MPHOSPH9: variants seen among roughly 807,000 people sequenced by gnomAD.
MPHOSPH9 encodes M-phase phosphoprotein 9.
Under a neutral mutation model 145.5 loss-of-function variants are expected in MPHOSPH9, and 88 were observed. The observed-to-expected ratio is 0.60, with a 90% CI of 0.51 to 0.72. MPHOSPH9 has a LOEUF of 0.72. Ranked by LOEUF, MPHOSPH9 falls within the 30% of genes least tolerant of loss-of-function variation. MPHOSPH9 has a pLI of 0.00. For missense variants in MPHOSPH9, 1,238 were observed against 1,386.6 expected (o/e 0.89, Z 1.70); for synonymous variants, 435 against 486.2 (o/e 0.89, Z 1.39).
At chr12:123,208,001 G>A (rs1383195758) in intron 8 of MPHOSPH9, among the ~76,000 whole-genome samples, 1 of 151,756 alleles carries the variant, frequency 6.6e-6, no homozygotes, top group Non-Finnish European at 1.5e-5. Flanking sequence ...CACTCTGGGA[G>A]GCTGATGTGG....
Position 123,176,759 on chromosome 12 carries a change from C to G in MPHOSPH9, c.2385G>C (p.Lys795Asn), listed in dbSNP as rs1478442822. The G allele has an allele frequency of 6.2e-7, 1 of 1,613,644 alleles. No individual in the cohort carries two copies. Among genetic ancestry groups the G allele is most frequent in the African/African-American group, 1.3e-5 (1 of 74,918 alleles). The part of the protein sequence containing the change: ...RMISKLEAQV[K>N]QVEHENMLSL... ...TTAACATATTTTCATGTTCTACTTG[C>G]TTGACCTGAGCTTCAAGTTTTGAAA... The change falls in exon 16 of 24, where the codon AAG becomes AAC. Residue 795 changes from lysine (K) to asparagine (N), a missense_variant. Lys to Asn is a moderately conservative substitution (Grantham distance 94). This residue lies in a region of MPHOSPH9 where 8 missense variants were observed against 26.6 expected (regional missense o/e 0.30). Coordinates refer to ENST00000606320, the MANE Select transcript of MPHOSPH9 (RefSeq NM_022782.4).
At chr12:123,189,309 T>C (rs1020910398) in intron 13 of MPHOSPH9, among the ~76,000 whole-genome samples, 9 of 152,184 alleles carry the variant, frequency 5.9e-5, no homozygotes, top group Non-Finnish European at 1.3e-4. Flanking sequence ...GCAGACAGGC[T>C]GTCCCTGCTG....
At chr12:123,237,640 T>C (rs558188147), upstream of MPHOSPH9, among the ~76,000 whole-genome samples, 70 of 152,330 alleles carry the variant, frequency 4.6e-4, no homozygotes, top group Non-Finnish European at 1.2e-4. Context: ...CTATTATGCT[T>C]TCCTTGTTTG....
At chr12:123,235,153 T>C (rs2047824894), upstream of MPHOSPH9, among the ~76,000 whole-genome samples, 1 of 152,338 alleles carries the variant, frequency 6.6e-6, no homozygotes, top group East Asian at 1.9e-4. Context: ...TCCCATTTAG[T>C]GACCACTAAG....
upstream of MPHOSPH9, among the ~76,000 whole-genome samples, chr12:123,235,652 G>A (rs1036070941): frequency 3.3e-5 from 5 of 151,672 alleles, no homozygotes; most frequent in Admixed American, 6.6e-5. Flanking sequence ...GATTACAGGC[G>A]TGAGCCACCG....
At chr12:123,235,549 T>A (rs535559939), upstream of MPHOSPH9, among the ~76,000 whole-genome samples, 17 of 151,486 alleles carry the variant, frequency 1.1e-4, no homozygotes, top group South Asian at 2.1e-3. Context: ...TTTTTTTGTA[T>A]TTTTAGTAGA....
chr12:123,217,063 A>C (rs1402032771), intron 6 of MPHOSPH9, among the ~76,000 whole-genome samples: 1 of 152,104 alleles, frequency 6.6e-6, no homozygotes, highest in Non-Finnish European at 1.5e-5. Flanking sequence ...ACTCAAATTT[A>C]AATAATTTTT....
intron 16 of MPHOSPH9, among the ~76,000 whole-genome samples, chr12:123,170,893 T>C (rs533603821): frequency 6.6e-6 from 1 of 152,228 alleles, no homozygotes; most frequent in Admixed American, 6.5e-5. Flanking sequence ...TTCCTGTCTC[T>C]CCATATCTTT....
chr12:123,235,610 G>A (rs1273180048), upstream of MPHOSPH9, among the ~76,000 whole-genome samples: 1 of 150,490 alleles, frequency 6.6e-6, no homozygotes, highest in Non-Finnish European at 1.5e-5. Context: ...CTGACCTCAT[G>A]ATCCACCTGC....
chr12:123,154,089 G>A (rs993935313), downstream of MPHOSPH9: 1 of 152,164 alleles, frequency 6.6e-6, no homozygotes, highest in African/African-American at 2.4e-5. Context: ...CATACCTCAG[G>A]AGTAGCTCCT....
chr12:123,166,743 C>T lies in MPHOSPH9; in HGVS notation c.2503G>A (p.Gly835Ser), dbSNP rs2044338263. The change falls in exon 17 of 24, where the codon GGT (glycine) becomes AGT (serine). Residue 835 changes from glycine (G) to serine (S), a missense_variant. Coordinates refer to ENST00000606320, the MANE Select transcript of MPHOSPH9 (RefSeq NM_022782.4). ...CCAGTAAAGATGGAATACTCTGCACCTGGAATCAGCCATTTCCGCCTGCTG... is the reference window on the plus strand; with the variant it reads ...CCAGTAAAGATGGAATACTCTGCACTTGGAATCAGCCATTTCCGCCTGCTG... ...DVSRRKWLIP[G>S]AEYSIFTGQP... 1 of 1,613,986 alleles carries T rather than the reference C, an allele frequency of 6.2e-7. No individual in the cohort carries two copies. Among genetic ancestry groups the T allele is most frequent in the Non-Finnish European group, 8.5e-7 (1 of 1,179,990 alleles).
chr12:123,210,132 T>C lies in MPHOSPH9; in HGVS notation c.1118A>G (p.Asp373Gly). Residue 373 changes from aspartate to glycine, a missense_variant, in exon 8 of 24, where the codon GAT becomes GGT. Asp to Gly is a moderately conservative substitution (Grantham distance 94, BLOSUM62 -1). Around this residue, in one of 3 missense-constraint regions of MPHOSPH9, gnomAD observed 837 missense variants for 897.5 expected, o/e 0.93. Transcript: ENST00000606320. ...GLTYWKLEEK[D>G]MHHSLPETLE... ...AGTTTCAGGCAAAGAGTGGTGCATA[T>C]CCTTTTCCTCTAGTTTCCAGTAAGT... is the stretch of plus-strand genomic sequence containing the variant. 1.2e-6 allele frequency: 2 copies of C among 1,607,644 alleles called. No homozygotes were observed. The highest frequency in any genetic ancestry group is 1.7e-4 in the Middle Eastern group (1 of 6,040).
At position 123,175,021 on chromosome 12, in the gene MPHOSPH9, A is replaced by G. The variant is rs1359608562; in HGVS notation, c.2456+1667T>C. Among the ~76,000 whole-genome samples the G allele has an allele frequency of 2.4e-4, 37 of 152,168 alleles. 1 individual carries two copies. Among genetic ancestry groups the G allele is most frequent in the Admixed American group, 2.4e-3 (37 of 15,264 alleles). ...CTCTCTCCTAGCACTGCACCAGACT[A>G]ACTAGTCTCCTGCTTCCATTCTTTC... is the stretch of plus-strand genomic sequence containing the variant. On this transcript the variant is annotated intron_variant, in intron 16 of 23. Coordinates refer to ENST00000606320, the MANE Select transcript of MPHOSPH9 (RefSeq NM_022782.4).
At chr12:123,232,647 T>C (rs1165398281) in intron 1 of MPHOSPH9, among the ~76,000 whole-genome samples, 2 of 152,044 alleles carry the variant, frequency 1.3e-5, no homozygotes, top group African/African-American at 4.8e-5. Flanking sequence ...TGGTGGCGGC[T>C]ATCGGGTCAA....
intron 8 of MPHOSPH9, among the ~76,000 whole-genome samples, chr12:123,206,885 G>A (rs1251610809): frequency 6.7e-6 from 1 of 150,164 alleles, no homozygotes; most frequent in Non-Finnish European, 1.5e-5. Context: ...CTGCACTCCA[G>A]CCTGGCAACA....
In MPHOSPH9 at chr12:123,155,000, A is replaced by G. The variant is rs2043832666; in HGVS notation, c.*1807T>C. On this transcript the variant is annotated 3_prime_UTR_variant, in exon 24 of 24. Transcript: ENST00000606320. ...TGAAACACCATCTCTACTAAAAAAA[A>G]AAAAAAGATATATACATACACACAC... 1 of 151,106 alleles carries G rather than the reference A, an allele frequency of 6.6e-6. No homozygotes were observed. The highest frequency in any genetic ancestry group is 2.4e-5 in the African/African-American group (1 of 41,246). The allele number at this position is 151,106 out of a possible 1,614,324, so 9.4% of individuals were successfully genotyped here.
chr12:123,204,917 T>C (rs1008198229), intron 8 of MPHOSPH9, among the ~76,000 whole-genome samples: 1 of 152,000 alleles, frequency 6.6e-6, no homozygotes, highest in Non-Finnish European at 1.5e-5. Context: ...TTTCGAAAAA[T>C]TGAAATCAGG....
At chr12:123,162,846 T>C (rs2044164603) in intron 20 of MPHOSPH9, 168 bp downstream of exon 20, 8 of 579,330 alleles carry the variant, frequency 1.4e-5, no homozygotes, top group Non-Finnish European at 1.9e-5. Context: ...CTGTGTTCAT[T>C]GTACTGCAGT....
chr12:123,241,828 A>C (rs1008715831), intron 1 of MPHOSPH9, among the ~76,000 whole-genome samples: 9 of 152,092 alleles, frequency 5.9e-5, no homozygotes, highest in Non-Finnish European at 8.8e-5. Flanking sequence ...TCTTGGTTTG[A>C]GTTGAATTTG....
Sources: allele counts gnomAD v4.1 joint callset (sites outside exome capture counted in the v4.1 genomes callset), GRCh38; gene constraint gnomAD v4.1.1; regional missense constraint gnomAD v4.1.1; transcripts MANE v1.5; gene names NCBI Gene and HGNC (gene_info 2026-07-23, HGNC 2026-07-21).